Variants in WDR33 observed in about 807,000 individuals in gnomAD.
WDR33 encodes the protein WD repeat domain 33, also known as pre-mRNA 3' end processing protein WDR33.
Under a neutral mutation model 164.9 loss-of-function variants are expected in WDR33, and 47 were observed. The ratio of observed to expected loss-of-function variants is 0.29; its 90% CI spans 0.23 to 0.36. The LOEUF (loss-of-function observed/expected upper bound fraction) is 0.36. Ranked by LOEUF, WDR33 falls within the 10% of genes least tolerant of loss-of-function variation. The pLI is 1.00. For missense variants in WDR33, 1,137 were observed against 1,754.1 expected, an observed-to-expected ratio of 0.65 and a Z score of 6.28; for synonymous variants, 505 against 589.0, an observed-to-expected ratio of 0.86 and a Z score of 2.06.
Position 127,770,798 on chromosome 2 carries a change from A to T in WDR33, c.184T>A (p.Ser62Thr), listed in dbSNP as rs1162843693. Residue 62 changes from serine to threonine, a missense_variant, in exon 2 of 22, where the codon TCT (serine) becomes ACT (threonine). Physicochemically the swap from Ser to Thr is moderately conservative, Grantham distance 58 (BLOSUM62 1). This residue lies in a region of WDR33 where 55 missense variants were observed against 84.6 expected (regional missense o/e 0.65). Transcript: ENST00000322313. This position sits in a 1 kb window ranked among gnomAD's most constrained non-coding sequence, Gnocchi z 4.9. ...VNRKTIDYNPSVIKYLENRIW... is the reference protein window; with the variant it reads ...VNRKTIDYNPTVIKYLENRIW... ...CTTACCTCCAAATACTTAATTACAG[A>T]TGGATTGTAGTCTATGGTTTTTCGG... is the stretch of plus-strand genomic sequence containing the variant. 6.2e-7 allele frequency: 1 copy of T among 1,613,956 alleles called. No individual in the cohort carries two copies. Among genetic ancestry groups the T allele is most frequent in the Non-Finnish European group, 8.5e-7 (1 of 1,179,978 alleles).
intron 1 of WDR33, among the ~76,000 whole-genome samples, chr2:127,804,981 G>A (rs1689380236): frequency 6.6e-6 from 1 of 151,438 alleles, no homozygotes; most frequent in East Asian, 1.9e-4. Flanking sequence ...GCTAACATCT[G>A]GCAGTCCCTA....
At position 127,708,855 on chromosome 2, in the gene WDR33, A is replaced by T; in HGVS notation, c.3603T>A (p.Pro1201=). ...AATGACCGTCGTGAGGGGGATGATC[A>T]GGGCGGGGAGTATCACGAAAATGTT... ...GHEHFRDTPR[P]DHPPHDGHSP... The change falls in exon 21 of 22, where the codon CCT becomes CCA. Residue 1201 remains proline (P), a synonymous_variant. Transcript: ENST00000322313. This position sits in a 1 kb window ranked among gnomAD's most constrained non-coding sequence, Gnocchi z 6.7. 1 of 1,589,356 alleles carries T rather than the reference A, an allele frequency of 6.3e-7. No homozygotes were observed.
intron 1 of WDR33, among the ~76,000 whole-genome samples, chr2:127,775,319 G>C (rs958385565): frequency 6.6e-6 from 1 of 152,128 alleles, no homozygotes. Context: ...CTCCCAAGTA[G>C]CTGGGACTAT....
chr2:127,737,595 G>A (rs993194866), intron 7 of WDR33: 18 of 997,892 alleles, frequency 1.8e-5, no homozygotes, highest in African/African-American at 5.2e-5. Flanking sequence ...CCTACACTAC[G>A]TTAATAATAG....
chr2:127,720,982 C>T lies in WDR33; in HGVS notation c.1672-629G>A, dbSNP rs1686423772. 6.6e-6 allele frequency among the ~76,000 whole-genome samples: 1 copy of T among 152,054 alleles called. No homozygotes were observed. The highest frequency in any genetic ancestry group is 2.4e-5 in the African/African-American group (1 of 41,418). Reference sequence around the variant, plus strand: ...ACAAGCTACCTGCTATATGAGCAGACAAAAAGGAAAAACTCTTTCATAAAC... The same window carrying T: ...ACAAGCTACCTGCTATATGAGCAGATAAAAAGGAAAAACTCTTTCATAAAC... On this transcript the variant is annotated intron_variant, in intron 15 of 21. Coordinates refer to ENST00000322313, the MANE Select transcript of WDR33 (RefSeq NM_018383.5). This position sits in a 1 kb window ranked among gnomAD's most constrained non-coding sequence, Gnocchi z 5.9.
chr2:127,701,416 A>C lies in WDR33; in HGVS notation c.*4907T>G, dbSNP rs2105363147. 2.8e-6 allele frequency: 3 copies of C among 1,066,602 alleles called. No homozygotes were observed. Among genetic ancestry groups the C allele is most frequent in the East Asian group, 6.8e-5 (2 of 29,494 alleles). The allele number at this position is 1,066,602 out of a possible 1,614,324, so 66.1% of individuals were successfully genotyped here. On this transcript the variant is annotated 3_prime_UTR_variant, in exon 22 of 22. Coordinates refer to ENST00000322313, the MANE Select transcript of WDR33 (RefSeq NM_018383.5). ...ACCGCGGCACTTCCGCGAGCGCCGC[A>C]GGCCCTGCCCCTTTCGCCGTCGCCG...
At position 127,708,809 on chromosome 2, in the gene WDR33, A is replaced by T; in HGVS notation, c.3649T>A (p.Ser1217Thr). Residue 1217 changes from serine (S) to threonine (T), a missense_variant, in exon 21 of 22, where the codon TCC (serine) becomes ACC (threonine). Physicochemically the swap from Ser to Thr is moderately conservative, Grantham distance 58. Transcript: ENST00000322313. The surrounding 1 kb of genome is among the most constrained non-coding windows in gnomAD (Gnocchi z 6.7). ...ATGTCCATGCCTTGGAGAGAAGAGGAGCGTTCTCTGCTGGCTGGGGAATGA... is the reference window on the plus strand; with the variant it reads ...ATGTCCATGCCTTGGAGAGAAGAGGTGCGTTCTCTGCTGGCTGGGGAATGA... ...DGHSPASRER[S>T]SSLQGMDMAS... 6.2e-7 allele frequency: 1 copy of T among 1,613,352 alleles called. No homozygotes were observed. The highest frequency in any genetic ancestry group is 8.5e-7 in the Non-Finnish European group (1 of 1,179,592).
intron 1 of WDR33, among the ~76,000 whole-genome samples, chr2:127,798,508 A>G (rs1198741567): frequency 6.6e-6 from 1 of 152,088 alleles, no homozygotes; most frequent in East Asian, 1.9e-4. Context: ...AGATAAAATG[A>G]TAAGCTTAAG....
chr2:127,779,076 C>T (rs1369916196), intron 1 of WDR33, among the ~76,000 whole-genome samples: 1 of 151,834 alleles, frequency 6.6e-6, no homozygotes, highest in African/African-American at 2.4e-5. Context: ...CATGAATGAG[C>T]CTAAAGCGGT....
Position 127,702,074 on chromosome 2 carries a change from C to T in WDR33, c.*4249G>A, listed in dbSNP as rs1210589033. The T allele has an allele frequency of 1.6e-6, 2 of 1,220,804 alleles. No homozygotes were observed. Among genetic ancestry groups the T allele is most frequent in the Non-Finnish European group, 1.0e-6 (1 of 981,840 alleles). 75.6% of individuals were successfully genotyped at this position (1,220,804 alleles called of 1,614,324 possible). On this transcript the variant is annotated 3_prime_UTR_variant, in exon 22 of 22. Coordinates refer to ENST00000322313, the MANE Select transcript of WDR33 (RefSeq NM_018383.5). ...GCGCGCAGGTGGCCGCGCTGCTGGC[C>T]GCGCTGGTTGGGCTGCTGCCCTGGG...
In WDR33 at chr2:127,709,025, G is replaced by A. The variant is rs1395046357; in HGVS notation, c.3566-133C>T. On this transcript the variant is annotated intron_variant, in intron 20 of 21. Coordinates refer to ENST00000322313, the MANE Select transcript of WDR33 (RefSeq NM_018383.5). The surrounding 1 kb of genome is among the most constrained non-coding windows in gnomAD (Gnocchi z 5.0). ...GCTGAATGCCCGCCAGAGGCCAAAGGGTAAGCCACCCAGACATCAGGGTGC... is the reference window on the plus strand; with the variant it reads ...GCTGAATGCCCGCCAGAGGCCAAAGAGTAAGCCACCCAGACATCAGGGTGC... 2.1e-6 allele frequency: 2 copies of A among 939,932 alleles called. No individual in the cohort carries two copies. The highest frequency in any genetic ancestry group is 3.0e-6 in the Non-Finnish European group (2 of 669,546). 58.2% of individuals were successfully genotyped at this position (939,932 alleles called of 1,614,324 possible).
In WDR33 at chr2:127,709,440, C is replaced by T. The variant is rs1686098987; in HGVS notation, c.3565+50G>A. Reference sequence around the variant, plus strand: ...CCCCAGAGAGGGCCCTCAGAACTCACTTTGTGAACTGCAGTCTAGAGTTAC... The same window carrying T: ...CCCCAGAGAGGGCCCTCAGAACTCATTTTGTGAACTGCAGTCTAGAGTTAC... On this transcript the variant is annotated intron_variant, in intron 20 of 21. Coordinates refer to ENST00000322313, the MANE Select transcript of WDR33 (RefSeq NM_018383.5). The surrounding 1 kb of genome is among the most constrained non-coding windows in gnomAD (Gnocchi z 5.0). 6.3e-7 allele frequency: 1 copy of T among 1,584,284 alleles called. No individual in the cohort carries two copies. The highest frequency in any genetic ancestry group is 1.3e-5 in the African/African-American group (1 of 74,446).
At chr2:127,732,377 C>T (rs1043370338) in intron 7 of WDR33, among the ~76,000 whole-genome samples, 13 of 151,306 alleles carry the variant, frequency 8.6e-5, no homozygotes, top group Admixed American at 6.6e-4. Flanking sequence ...GCACAGGAGG[C>T]GGAGGCTGCA....
chr2:127,744,793 T>C (rs545329116), intron 7 of WDR33, among the ~76,000 whole-genome samples: 2 of 152,346 alleles, frequency 1.3e-5, no homozygotes, highest in East Asian at 1.9e-4. Context: ...ATATGGCATA[T>C]TGTGTAGGTG....
chr2:127,764,670 G>C lies in WDR33; in HGVS notation c.626+158C>G, dbSNP rs139005875. On this transcript the variant is annotated intron_variant, in intron 6 of 21. Coordinates refer to ENST00000322313, the MANE Select transcript of WDR33 (RefSeq NM_018383.5). This position sits in a 1 kb window ranked among gnomAD's most constrained non-coding sequence, Gnocchi z 6.2. Reference sequence around the variant, plus strand: ...ACTTCAGAAAGGTGCCAGCAAAATGGTGAATGTGTGAAAACAAAGAAAAAT... The same window carrying C: ...ACTTCAGAAAGGTGCCAGCAAAATGCTGAATGTGTGAAAACAAAGAAAAAT... The C allele has an allele frequency of 3.3e-4, 515 of 1,579,470 alleles. 3 individuals carry two copies. In the African/African-American group the frequency reaches 6.4e-3, roughly 20 times the overall value.
intron 1 of WDR33, among the ~76,000 whole-genome samples, chr2:127,795,681 AAGTT>A (rs1689013360): frequency 6.6e-6 from 1 of 151,424 alleles, no homozygotes; most frequent in Admixed American, 6.6e-5. Flanking sequence ...AAACACCAAA[AAGTT>A]AGCCAGGTGT....
intron 7 of WDR33, among the ~76,000 whole-genome samples, chr2:127,740,035 G>A (rs1434973638): frequency 6.6e-6 from 1 of 151,226 alleles, no homozygotes; most frequent in Non-Finnish European, 1.5e-5. Flanking sequence ...TGTTGATTAT[G>A]TTTTTTTTTA....
At chr2:127,732,143 A>T (rs1180438702) in intron 7 of WDR33, among the ~76,000 whole-genome samples, 2 of 148,816 alleles carry the variant, frequency 1.3e-5, no homozygotes, top group Non-Finnish European at 2.9e-5. Context: ...ACACACACAC[A>T]CACACACACA....
intron 1 of WDR33, among the ~76,000 whole-genome samples, chr2:127,783,599 C>CTTTTTTTTTTTTTTT (rs35345585): frequency 7.1e-5 from 6 of 84,414 alleles, no homozygotes; most frequent in African/African-American, 3.0e-4. Flanking sequence ...TTCAGGACTC[C>CTTTTTTTTTTTTTTT]TTTTTTTTTT....
Sources: allele counts gnomAD v4.1 joint callset (sites outside exome capture counted in the v4.1 genomes callset), GRCh38; gene constraint gnomAD v4.1.1; regional missense constraint gnomAD v4.1.1; non-coding constraint Gnocchi (gnomAD v3.1); transcripts MANE v1.5; gene names NCBI Gene and HGNC (gene_info 2026-07-23, HGNC 2026-07-21).